The following JUP variants were observed in gnomAD, a reference collection of about 807,000 sequenced individuals.
The protein encoded by JUP is catenin (cadherin-associated protein), gamma 80kDa.
Under a neutral mutation model 71.1 loss-of-function variants are expected in JUP, and 28 were observed. The ratio of observed to expected loss-of-function variants is 0.39; its 90% CI spans 0.29 to 0.54. The LOEUF (loss-of-function observed/expected upper bound fraction) is 0.54. JUP is among the 20% of genes least tolerant of loss of function. JUP has a pLI of 0.62. For missense variants in JUP, 869 were observed against 1,030.1 expected (o/e 0.84, Z 2.14); for synonymous variants, 401 against 438.9 (o/e 0.91, Z 1.08).
chr17:41,784,565 A>C (rs143468395), intron 1 of JUP, among the ~76,000 whole-genome samples: 78 of 152,302 alleles, frequency 5.1e-4, no homozygotes, highest in Admixed American at 1.8e-3. Context: ...TGGCACAGAG[A>C]AGAGGGAAAG....
intron 8 of JUP, among the ~76,000 whole-genome samples, chr17:41,759,086 T>TG: frequency 6.6e-6 from 1 of 151,002 alleles, no homozygotes; most frequent in Non-Finnish European, 1.5e-5. Flanking sequence ...TTTTTTTTTT[T>TG]TTTTGAGACA....
At chr17:41,775,774 G>A (rs1161334405) in intron 1 of JUP, among the ~76,000 whole-genome samples, 1 of 152,176 alleles carries the variant, frequency 6.6e-6, no homozygotes. Flanking sequence ...CCTGGAGAGG[G>A]GGTGCAGAGG....
intron 8 of JUP, among the ~76,000 whole-genome samples, chr17:41,762,215 G>C (rs1915010418): frequency 6.9e-6 from 1 of 144,462 alleles, no homozygotes; most frequent in South Asian, 2.2e-4. Flanking sequence ...GTTTTAGATT[G>C]TTTATTTGTT....
chr17:41,755,471 G>A lies in JUP; in HGVS notation c.*273C>T, dbSNP rs1047935167. 5 of 430,862 alleles carry A rather than the reference G, an allele frequency of 1.2e-5. No individual in the cohort carries two copies. Among genetic ancestry groups the A allele is most frequent in the South Asian group, 1.5e-4 (2 of 13,040 alleles). 26.7% of individuals were successfully genotyped at this position (430,862 alleles called of 1,614,324 possible). On this transcript the variant is annotated 3_prime_UTR_variant, in exon 14 of 14. Transcript: ENST00000393931. Reference sequence around the variant, plus strand: ...GGGGACAGACAGGGGTCAGGGGCTCGGTGGACCTGCATCCCCAGAAGCTCA... The same window carrying A: ...GGGGACAGACAGGGGTCAGGGGCTCAGTGGACCTGCATCCCCAGAAGCTCA...
rs781875765 is a variant in JUP, at chr17:41,769,612, C to A, written c.274G>T (p.Gly92Cys). Residue 92 changes from glycine to cysteine, a missense_variant, in exon 3 of 14, where the codon GGT (glycine) becomes TGT (cysteine). Transcript: ENST00000393931. Reference protein sequence around the residue: ...AKRVREAMCPGVSGEDSSLLL... With the variant: ...AKRVREAMCPCVSGEDSSLLL... ...AGCGAGCTGTCCTCGCCTGACACAC[C>A]AGGGCACATGGCCTCCCGCACCCGT... 56 of 1,605,652 alleles carry A rather than the reference C, an allele frequency of 3.5e-5. No homozygotes were observed. The highest frequency in any genetic ancestry group is 4.7e-5 in the Non-Finnish European group (55 of 1,177,026).
chr17:41,775,976 G>A, intron 1 of JUP: 1 of 984,548 alleles, frequency 1.0e-6, no homozygotes, highest in Non-Finnish European at 1.2e-6. Context: ...CCCCACCAGA[G>A]CTACACCAGG....
At chr17:41,782,423 C>T (rs1193538151) in intron 1 of JUP, among the ~76,000 whole-genome samples, 2 of 152,196 alleles carry the variant, frequency 1.3e-5, no homozygotes, top group Admixed American at 6.5e-5. Context: ...TCTCGTTTCT[C>T]GCCAATCCCC....
intron 5 of JUP, among the ~76,000 whole-genome samples, chr17:41,767,041 T>C (rs1915832380): frequency 7.0e-6 from 1 of 142,216 alleles, no homozygotes; most frequent in Non-Finnish European, 1.5e-5. Flanking sequence ...AGTGAGACCC[T>C]GTCTCAAAAA....
At chr17:41,779,413 C>T (rs564701425) in intron 1 of JUP, among the ~76,000 whole-genome samples, 1 of 147,224 alleles carries the variant, frequency 6.8e-6, no homozygotes, top group African/African-American at 2.5e-5. Context: ...CTGCAAGCTC[C>T]GCCTCCCGGG....
chr17:41,764,022 C>T (rs1415334605), intron 7 of JUP, among the ~76,000 whole-genome samples: 2 of 152,190 alleles, frequency 1.3e-5, no homozygotes, highest in African/African-American at 2.4e-5. Context: ...CACACTCTAA[C>T]CCCAGGTTGA....
At chr17:41,779,777 C>T (rs1040804618) in intron 1 of JUP, among the ~76,000 whole-genome samples, 9 of 151,786 alleles carry the variant, frequency 5.9e-5, no homozygotes, top group Non-Finnish European at 8.8e-5. Context: ...GCAATCCTTC[C>T]GCCTCAGCCT....
Position 41,755,876 on chromosome 17 carries a change from G to A in JUP, c.2106C>T (p.Arg702=). ...PYGDDMDATY[R]PMYSSDVPLD... ...GGGGCACATCGCTGGAGTACATGGGGCGGTAGGTGGCATCCATGTCTGGGG... is the reference window on the plus strand; with the variant it reads ...GGGGCACATCGCTGGAGTACATGGGACGGTAGGTGGCATCCATGTCTGGGG... The change falls in exon 14 of 14, where the codon CGC becomes CGT. Residue 702 remains arginine (R), a synonymous_variant. Transcript: ENST00000393931. 6.2e-7 allele frequency: 1 copy of A among 1,610,382 alleles called. No homozygotes were observed. Among genetic ancestry groups the A allele is most frequent in the Non-Finnish European group, 8.5e-7 (1 of 1,177,858 alleles).
chr17:41,756,153 G>C, intron 13 of JUP, 22 bp downstream of exon 13: 3 of 1,612,318 alleles, frequency 1.9e-6, no homozygotes, highest in African/African-American at 1.3e-5. Context: ...CCAGGGTCCT[G>C]AAGAGCCCGG....
chr17:41,763,357 C>CCTTCTCCAGG, intron 7 of JUP, 36 bp from the exon 8 acceptor site: 2 of 1,494,900 alleles, frequency 1.3e-6, no homozygotes, highest in Non-Finnish European at 1.9e-6. Flanking sequence ...AGTCAGGGAG[C>CCTTCTCCAGG]AGCCAACTCC....
chr17:41,771,963 C>T (rs568497382), intron 1 of JUP, 101 bp from the exon 2 acceptor site: 1 of 998,282 alleles, frequency 1.0e-6, no homozygotes, highest in African/African-American at 1.6e-5. Flanking sequence ...ACATCATCAC[C>T]ATGGCCCAGG....
rs1915175966 is a variant in JUP, at chr17:41,763,197, A to T, written c.1283T>A (p.Leu428Gln). ...CTCCACACCGCTGTTCTGTGTCACC[A>T]GCGTCTTGTTCTTGCTGTTGTTGCA... Reference protein sequence around the residue: ...LTCNNSKNKTLVTQNSGVEAL... With the variant: ...LTCNNSKNKTQVTQNSGVEAL... Residue 428 changes from leucine to glutamine, a missense_variant, in exon 8 of 14, where the codon CTG becomes CAG. Transcript: ENST00000393931. 6.2e-7 allele frequency: 1 copy of T among 1,614,234 alleles called. No homozygotes were observed.
intron 1 of JUP, among the ~76,000 whole-genome samples, chr17:41,782,687 G>A (rs1227926255): frequency 2.0e-5 from 3 of 152,100 alleles, no homozygotes; most frequent in Non-Finnish European, 2.9e-5. Context: ...TAAGTGGGCT[G>A]GTGGCCAGGA....
chr17:41,770,480 A>T (rs1344645920), intron 2 of JUP, among the ~76,000 whole-genome samples: 2 of 152,126 alleles, frequency 1.3e-5, no homozygotes, highest in Non-Finnish European at 2.9e-5. Flanking sequence ...TCCCACCTGG[A>T]TGCTGTACTT....
intron 1 of JUP, among the ~76,000 whole-genome samples, chr17:41,780,706 CAAA>C (rs61104138): frequency 6.9e-6 from 1 of 145,224 alleles, no homozygotes. Flanking sequence ...AAAAACAAAC[CAAA>C]AAAAAAAAAG....
Sources: allele counts gnomAD v4.1 joint callset (sites outside exome capture counted in the v4.1 genomes callset), GRCh38; gene constraint gnomAD v4.1.1; transcripts MANE v1.5; gene names NCBI Gene and HGNC (gene_info 2026-07-23, HGNC 2026-07-21).